The following SORCS2 variants were observed in gnomAD, a reference collection of about 807,000 sequenced individuals.
SORCS2 encodes VPS10 domain-containing receptor SorCS2.
Under a neutral mutation model 141.6 loss-of-function variants are expected in SORCS2, and 100 were observed. The ratio of observed to expected loss-of-function variants is 0.71; its 90% CI spans 0.60 to 0.83. SORCS2 has a LOEUF of 0.83. SORCS2 is among the 40% of genes least tolerant of loss of function. The probability of loss-of-function intolerance (pLI) is 0.00; values close to 1 mark genes in which losing one functional copy is unlikely to be tolerated. For missense variants in SORCS2, 1,646 were observed against 1,560.2 expected (o/e 1.05, Z -0.93); for synonymous variants, 789 against 676.9 (o/e 1.17, Z -2.57).
intron 2 of SORCS2, among the ~76,000 whole-genome samples, chr4:7,512,991 C>T (rs1318677233): frequency 6.6e-6 from 1 of 152,146 alleles, no homozygotes; most frequent in African/African-American, 2.4e-5. Flanking sequence ...AGGAAAAGCC[C>T]ACATCATTGT....
At chr4:7,439,737 C>T (rs1727537994) in intron 2 of SORCS2, among the ~76,000 whole-genome samples, 1 of 152,206 alleles carries the variant, frequency 6.6e-6, no homozygotes, top group South Asian at 2.1e-4. Context: ...GCTGTTTCTT[C>T]ACCTTGCTGG....
chr4:7,516,644 C>T (rs1248856157), intron 2 of SORCS2, among the ~76,000 whole-genome samples: 1 of 152,152 alleles, frequency 6.6e-6, no homozygotes, highest in African/African-American at 2.4e-5. Context: ...GTCGGGGCTG[C>T]ACGGAGTCTG....
intron 2 of SORCS2, among the ~76,000 whole-genome samples, chr4:7,439,341 A>G (rs930219871): frequency 6.6e-6 from 1 of 152,094 alleles, no homozygotes; most frequent in Non-Finnish European, 1.5e-5. Flanking sequence ...TTTTTAACCT[A>G]TTTACCCCTT....
At chr4:7,677,368 G>A (rs1216282717) in intron 9 of SORCS2, among the ~76,000 whole-genome samples, 2 of 152,248 alleles carry the variant, frequency 1.3e-5, no homozygotes, top group East Asian at 3.9e-4. Context: ...GCCAGCGAGG[G>A]GGGCTACTTG....
chr4:7,281,841 T>G (rs1715906705), intron 1 of SORCS2, among the ~76,000 whole-genome samples: 1 of 152,186 alleles, frequency 6.6e-6, no homozygotes, highest in Admixed American at 6.5e-5. Flanking sequence ...GGGTGGGGGC[T>G]GGGTTCCTTC....
intron 1 of SORCS2, among the ~76,000 whole-genome samples, chr4:7,306,618 G>C (rs1213578333): frequency 1.3e-5 from 2 of 152,218 alleles, no homozygotes; most frequent in African/African-American, 4.8e-5. Flanking sequence ...GTGGGGCTAG[G>C]CATGCCTGGG....
intron 2 of SORCS2, among the ~76,000 whole-genome samples, chr4:7,461,946 C>T (rs1192899000): frequency 6.6e-6 from 1 of 152,230 alleles, no homozygotes; most frequent in African/African-American, 2.4e-5. Flanking sequence ...GCTTCAGTGC[C>T]TCTGCTGTCC....
intron 9 of SORCS2, among the ~76,000 whole-genome samples, chr4:7,676,670 C>T (rs563270195): frequency 1.3e-5 from 2 of 151,118 alleles, no homozygotes; most frequent in African/African-American, 2.4e-5. Context: ...TACCCCAGCC[C>T]CTTCGTCTCC....
chr4:7,506,538 T>C, intron 2 of SORCS2, among the ~76,000 whole-genome samples: 1 of 151,076 alleles, frequency 6.6e-6, no homozygotes, highest in East Asian at 2.0e-4. Flanking sequence ...AGATCTACTC[T>C]GCTAGGGAAG....
At chr4:7,414,499 TAA>T (rs1163804692) in intron 2 of SORCS2, among the ~76,000 whole-genome samples, 1 of 152,000 alleles carries the variant, frequency 6.6e-6, no homozygotes, top group Non-Finnish European at 1.5e-5. Context: ...TGAGATGAAT[TAA>T]GAGTCTTTTA....
intron 17 of SORCS2, among the ~76,000 whole-genome samples, chr4:7,717,560 G>A (rs1287686616): frequency 6.6e-6 from 1 of 152,220 alleles, no homozygotes; most frequent in Non-Finnish European, 1.5e-5. Context: ...CCAGGAGGAG[G>A]GGTGTGTGTG....
At chr4:7,386,929 C>G (rs546713731) in intron 1 of SORCS2, among the ~76,000 whole-genome samples, 2 of 21,258 alleles carry the variant, frequency 9.4e-5, no homozygotes, top group Admixed American at 3.6e-4. Flanking sequence ...TATGCACACA[C>G]ATACAGGTAC....
intron 2 of SORCS2, chr4:7,431,626 G>C (rs1726866345): frequency 6.6e-6 from 1 of 152,204 alleles, no homozygotes; most frequent in Admixed American, 6.5e-5. Context: ...CTGTGTTTTG[G>C]AGTCTGGTGC....
At chr4:7,199,065 A>C (rs1334061944) in intron 1 of SORCS2, among the ~76,000 whole-genome samples, 2 of 152,150 alleles carry the variant, frequency 1.3e-5, no homozygotes, top group Non-Finnish European at 2.9e-5. Context: ...TGCTGGGTGC[A>C]CTTTGCGGAA....
intron 11 of SORCS2, among the ~76,000 whole-genome samples, chr4:7,696,886 G>C (rs770160852): frequency 7.2e-5 from 11 of 152,168 alleles, no homozygotes; most frequent in Non-Finnish European, 1.5e-4. Flanking sequence ...GTCCTCTCCA[G>C]CCCATCCCTA....
intron 1 of SORCS2, among the ~76,000 whole-genome samples, chr4:7,388,050 GCA>G (rs201405664): frequency 0.017 from 2,390 of 139,294 alleles, 27 homozygotes; most frequent in Middle Eastern, 0.094. Flanking sequence ...ACACACACAT[GCA>G]CACACATACA....
chr4:7,561,859 C>T (rs1354347365), intron 3 of SORCS2, among the ~76,000 whole-genome samples: 3 of 152,172 alleles, frequency 2.0e-5, no homozygotes, highest in Non-Finnish European at 4.4e-5. Context: ...ATCTACCCAT[C>T]CATCAGTCTA....
intron 2 of SORCS2, among the ~76,000 whole-genome samples, chr4:7,496,733 C>T (rs1577658696): frequency 1.3e-5 from 2 of 152,062 alleles, no homozygotes; most frequent in South Asian, 2.1e-4. Flanking sequence ...GGGAGCGAGG[C>T]GTGGGTGGGA....
chr4:7,511,860 CA>C (rs1333982399), intron 2 of SORCS2, among the ~76,000 whole-genome samples: 1 of 152,184 alleles, frequency 6.6e-6, no homozygotes, highest in Admixed American at 6.5e-5. Context: ...ACTCTGTCTT[CA>C]GGGGGGAAAT....
Sources: allele counts gnomAD v4.1 joint callset (sites outside exome capture counted in the v4.1 genomes callset), GRCh38; gene constraint gnomAD v4.1.1; transcripts MANE v1.5; gene names NCBI Gene and HGNC (gene_info 2026-07-23, HGNC 2026-07-21).